Variants in TRAP1 observed in about 807,000 individuals in gnomAD.
The protein encoded by TRAP1 is heat shock protein 75 kDa, mitochondrial.
TRAP1 carries 102 observed loss-of-function variants against 89.1 expected under a neutral mutation model. The observed-to-expected ratio is 1.15, with a 90% CI of 0.98 to 1.35. The LOEUF is 1.35. Ranked by LOEUF, TRAP1 falls within the 40% of genes most tolerant of loss-of-function variation. The pLI, the probability that TRAP1 is intolerant of heterozygous loss-of-function variation, is 0.00. For missense variants in TRAP1, 1,256 were observed against 945.3 expected, an observed-to-expected ratio of 1.33 and a Z score of -4.31; for synonymous variants, 508 against 388.0, an observed-to-expected ratio of 1.31 and a Z score of -3.64.
Position 3,665,866 on chromosome 16 carries a change from T to C in TRAP1, c.1383+105A>G, listed in dbSNP as rs373976045. Reference sequence around the variant, plus strand: ...GTGGCAGCAGCAGCAGCAGCCAGGGTACCCAGCTGCACCGTCGCCACATCA... The same window carrying C: ...GTGGCAGCAGCAGCAGCAGCCAGGGCACCCAGCTGCACCGTCGCCACATCA... On this transcript the variant is annotated intron_variant, in intron 12 of 17. Coordinates refer to ENST00000246957, the MANE Select transcript of TRAP1 (RefSeq NM_016292.3). 1.6e-3 allele frequency: 2,282 copies of C among 1,391,976 alleles called. 30 individuals carry two copies. The highest frequency in any genetic ancestry group is 0.011 in the South Asian group (765 of 69,030). 86.2% of individuals were successfully genotyped at this position (1,391,976 alleles called of 1,614,324 possible). A position where few individuals can be genotyped will look rare whatever the true frequency, so the allele number is the denominator to read the frequency against.
intron 1 of TRAP1, among the ~76,000 whole-genome samples, chr16:3,711,273 T>C (rs1365907763): frequency 1.3e-5 from 2 of 152,090 alleles, no homozygotes; most frequent in Non-Finnish European, 2.9e-5. Context: ...GTCCTTTCAA[T>C]CTACCCAATC....
At chr16:3,709,610 A>T (rs1400844238) in intron 1 of TRAP1, among the ~76,000 whole-genome samples, 2 of 152,084 alleles carry the variant, frequency 1.3e-5, no homozygotes, top group Admixed American at 6.6e-5. Context: ...GGTACGGAAG[A>T]TTACACACGG....
Position 3,672,827 on chromosome 16 carries a change from G to A in TRAP1, c.1045-7C>T, listed in dbSNP as rs1348397160. On this transcript the variant is annotated splice_region_variant and splice_polypyrimidine_tract_variant and intron_variant, in intron 9 of 17. Transcript: ENST00000246957. ...CATCAAACATGGACGGTTTCTGGGG[G>A]TGAGGAGAACACGCCATCATGCAGC... is the stretch of plus-strand genomic sequence containing the variant. 1.2e-6 allele frequency: 2 copies of A among 1,611,554 alleles called. No individual in the cohort carries two copies. Among genetic ancestry groups the A allele is most frequent in the East Asian group, 2.2e-5 (1 of 44,860 alleles).
At position 3,658,200 on chromosome 16, in the gene TRAP1, G is replaced by C. The variant is rs755527234; in HGVS notation, c.2044C>G (p.Leu682Val). 3.1e-6 allele frequency: 5 copies of C among 1,613,894 alleles called. No homozygotes were observed. The highest frequency in any genetic ancestry group is 4.2e-6 in the Non-Finnish European group (5 of 1,180,016). ...IYENAMIAAGLVDDPRAMVGR... is the reference protein window; with the variant it reads ...IYENAMIAAGVVDDPRAMVGR... Reference sequence around the variant, plus strand: ...ACCATGGCCCTAGGGTCGTCAACAAGTCCAGCAGCAATCATGGCGTTCTCG... The same window carrying C: ...ACCATGGCCCTAGGGTCGTCAACAACTCCAGCAGCAATCATGGCGTTCTCG... The change falls in exon 18 of 18, where the codon CTT (leucine) becomes GTT (valine). Residue 682 changes from leucine to valine, a missense_variant. Leu to Val is a conservative substitution (Grantham distance 32). Transcript: ENST00000246957.
At chr16:3,709,425 C>T (rs971019430) in intron 1 of TRAP1, among the ~76,000 whole-genome samples, 2 of 152,162 alleles carry the variant, frequency 1.3e-5, no homozygotes, top group East Asian at 3.8e-4. Context: ...CATTCTAGCA[C>T]TGGTGAAGGT....
At position 3,663,628 on chromosome 16, in the gene TRAP1, G is replaced by A. The variant is rs1222830743; in HGVS notation, c.1570-66C>T. ...CTCCAGCCACCACAGAAGAAAGGAT[G>A]AGGGCGGCAGGAGGGCTGGGGGAGC... On this transcript the variant is annotated intron_variant, in intron 13 of 17. Transcript: ENST00000246957. 5 of 1,598,564 alleles carry A rather than the reference G, an allele frequency of 3.1e-6. No individual in the cohort carries two copies. The African/African-American group carries it at 4.0e-5, about 13-fold the overall frequency.
At chr16:3,674,251 C>T in intron 9 of TRAP1, 88 bp downstream of exon 9, 1 of 1,527,504 alleles carries the variant, frequency 6.5e-7, no homozygotes, top group Non-Finnish European at 8.9e-7. Flanking sequence ...CTCACACTGC[C>T]ATGTTAATCA....
At chr16:3,678,425 G>A (rs1167060069) in intron 5 of TRAP1, 2 of 152,220 alleles carry the variant, frequency 1.3e-5, no homozygotes, top group African/African-American at 4.8e-5. Flanking sequence ...GTAACGTGGG[G>A]GTCAAGTCAC....
intron 2 of TRAP1, 128 bp downstream of exon 2, chr16:3,690,699 C>G (rs2051201946): frequency 1.9e-6 from 2 of 1,050,344 alleles, no homozygotes; most frequent in Non-Finnish European, 2.5e-6. Flanking sequence ...CTCCCTACAG[C>G]CAAGACCTTC....
intron 1 of TRAP1, among the ~76,000 whole-genome samples, chr16:3,696,343 G>C (rs980993871): frequency 3.3e-5 from 5 of 152,192 alleles, no homozygotes; most frequent in African/African-American, 1.2e-4. Context: ...GGCTCCCAGT[G>C]GCAGAATCTA....
intron 1 of TRAP1, among the ~76,000 whole-genome samples, chr16:3,712,836 A>C (rs560951839): frequency 6.6e-6 from 1 of 152,122 alleles, no homozygotes; most frequent in African/African-American, 2.4e-5. Context: ...GGTTGGTCTC[A>C]AATTCCTGAA....
intron 11 of TRAP1, among the ~76,000 whole-genome samples, chr16:3,668,126 A>G (rs2050861825): frequency 6.6e-6 from 1 of 151,774 alleles, no homozygotes; most frequent in Non-Finnish European, 1.5e-5. Flanking sequence ...ATGGGGTTTC[A>G]CCATCTTGGC....
At chr16:3,705,927 A>G (rs2051437627) in intron 1 of TRAP1, among the ~76,000 whole-genome samples, 1 of 151,424 alleles carries the variant, frequency 6.6e-6, no homozygotes, top group Non-Finnish European at 1.5e-5. Flanking sequence ...TCCTGACCTC[A>G]GGTGATCGGC....
intron 1 of TRAP1, among the ~76,000 whole-genome samples, chr16:3,700,264 T>G (rs2051347836): frequency 1.3e-5 from 2 of 150,716 alleles, no homozygotes; most frequent in African/African-American, 4.9e-5. Flanking sequence ...TCCTCCCGGG[T>G]TCAAGCGATT....
intron 4 of TRAP1, among the ~76,000 whole-genome samples, chr16:3,682,428 C>G (rs76923532): frequency 6.6e-6 from 1 of 151,718 alleles, no homozygotes; most frequent in Non-Finnish European, 1.5e-5. Context: ...GTCACGCAGG[C>G]TAGAGTGCTG....
At chr16:3,664,203 C>T (rs1348035798) in intron 13 of TRAP1, 71 bp downstream of exon 13, 56 of 1,437,872 alleles carry the variant, frequency 3.9e-5, no homozygotes, top group Non-Finnish European at 5.0e-5. Context: ...TCACCCAGCA[C>T]AGAGCTGAGA....
At chr16:3,693,493 G>C (rs2051244568) in intron 1 of TRAP1, among the ~76,000 whole-genome samples, 1 of 152,106 alleles carries the variant, frequency 6.6e-6, no homozygotes, top group Admixed American at 6.6e-5. Flanking sequence ...TGAAGTCTCT[G>C]TGCCTCCTTC....
Position 3,672,732 on chromosome 16 carries a change from TC to T in TRAP1, c.1132del (p.Asp378ThrfsTer21). The T allele has an allele frequency of 6.2e-7, 1 of 1,610,420 alleles. No individual in the cohort carries two copies. ...RKVLIQTKAT[D>X]ILPKWLRFIR... ...GAAGCGCAGCCACTTGGGCAGGATG[TC>T]CGTGGCCTTGGTCTGGATGAGGACT... On this transcript the variant is annotated frameshift_variant, in exon 10 of 18. Transcript: ENST00000246957. LOFTEE classifies it high-confidence loss of function.
chr16:3,697,917 T>C (rs1021576993), intron 1 of TRAP1, among the ~76,000 whole-genome samples: 4 of 151,160 alleles, frequency 2.6e-5, no homozygotes, highest in African/African-American at 9.7e-5. Flanking sequence ...GCCTCCCAAG[T>C]AGCTGGGATT....
Sources: allele counts gnomAD v4.1 joint callset (sites outside exome capture counted in the v4.1 genomes callset), GRCh38; gene constraint gnomAD v4.1.1; transcripts MANE v1.5; gene names NCBI Gene and HGNC (gene_info 2026-07-23, HGNC 2026-07-21).